The following EXOC3L2 variants were observed in gnomAD, a reference collection of about 807,000 sequenced individuals.
EXOC3L2 encodes the protein exocyst complex component 3 like 2, also known as exocyst complex component 3-like protein 2.
Under a neutral mutation model 44.4 loss-of-function variants are expected in EXOC3L2, and 17 were observed. The observed-to-expected ratio is 0.38, with a 90% CI of 0.26 to 0.57. The LOEUF (loss-of-function observed/expected upper bound fraction) is 0.57, where lower values mean the gene tolerates loss of function less well. EXOC3L2 is among the 20% of genes least tolerant of loss of function. The pLI is 0.65. For missense variants in EXOC3L2, 541 were observed against 588.4 expected, an observed-to-expected ratio of 0.92 and a Z score of 0.83; for synonymous variants, 256 against 253.7, an observed-to-expected ratio of 1.01 and a Z score of -0.09.
intron 8 of EXOC3L2, among the ~76,000 whole-genome samples, chr19:45,219,333 G>A (rs755861353): frequency 2.1e-5 from 3 of 144,812 alleles, no homozygotes; most frequent in Non-Finnish European, 3.0e-5. Context: ...AGTTCAGGCT[G>A]CAGTGAAATA....
chr19:45,237,153 G>A lies in EXOC3L2; in HGVS notation c.523+1370C>T, dbSNP rs548199590. Among the ~76,000 whole-genome samples the A allele has an allele frequency of 2.6e-5, 4 of 152,136 alleles. No individual in the cohort carries two copies. The South Asian group carries it at 8.3e-4, about 32-fold the overall frequency. Reference sequence around the variant, plus strand: ...ATGGGGAAGAATGGGATATGAAACGGGGCTGGACCAGTTGGGGGTTGCCAT... The same window carrying A: ...ATGGGGAAGAATGGGATATGAAACGAGGCTGGACCAGTTGGGGGTTGCCAT... On this transcript the variant is annotated intron_variant, in intron 2 of 11. Coordinates refer to ENST00000413988, the MANE Select transcript of EXOC3L2 (RefSeq NM_001382422.1).
rs79744739 is a variant in EXOC3L2 at position 45,231,994 on chromosome 19, A to G, written c.1158-120T>C. ...CCTGGGCCACTCCCTTCCTCTCTCTAAGTCATCTCTGCTCATCCCTCAGAG... is the reference window on the plus strand; with the variant it reads ...CCTGGGCCACTCCCTTCCTCTCTCTGAGTCATCTCTGCTCATCCCTCAGAG... On this transcript the variant is annotated intron_variant, in intron 3 of 11. Coordinates refer to ENST00000413988, the MANE Select transcript of EXOC3L2 (RefSeq NM_001382422.1). 4.5e-3 allele frequency: 2,313 copies of G among 519,626 alleles called. 14 individuals are homozygous for G. Among genetic ancestry groups the G allele is most frequent in the South Asian group, 7.5e-3 (189 of 25,344 alleles). 32.2% of individuals were successfully genotyped at this position (519,626 alleles called of 1,614,324 possible). A position where few individuals can be genotyped will look rare whatever the true frequency, so the allele number is the denominator to read the frequency against.
rs898006746 is a variant in EXOC3L2, at chr19:45,218,265, C to G, written c.1774G>C (p.Asp592His). ...GCACCCAGCGTGCCCACGATGCCAT[C>G]CAGGGCCTCCGGGCTGCTCAGCCAC... ...RKWLSSPEAL[D>H]GIVGTLGAQA... The change falls in exon 9 of 12, where the codon GAT (aspartate) becomes CAT (histidine). Residue 592 changes from aspartate to histidine, a missense_variant. Asp to His is a moderately conservative substitution (Grantham distance 81, BLOSUM62 -1). Transcript: ENST00000413988. 1 of 1,600,822 alleles carries G rather than the reference C, an allele frequency of 6.2e-7. No homozygotes were observed. Among genetic ancestry groups the G allele is most frequent in the Non-Finnish European group, 8.5e-7 (1 of 1,173,548 alleles).
Position 45,234,795 on chromosome 19 carries a change from G to C in EXOC3L2, c.555C>G (p.Arg185=), listed in dbSNP as rs1458950121. ...TGTGCTCGTCCGCACGCGCTAGTTC[G>C]CGCTGCTGGATCAGGCTCAGGATCT... The part of the protein sequence containing the change: ...VLEILSLIQQ[R]ELARADEHIL... Residue 185 remains arginine (R), a synonymous_variant, in exon 3 of 12, where the codon CGC becomes CGG. Coordinates refer to ENST00000413988, the MANE Select transcript of EXOC3L2 (RefSeq NM_001382422.1). The surrounding 1 kb of genome is among the most constrained non-coding windows in gnomAD (Gnocchi z 5.0). 1.5e-5 allele frequency: 6 copies of C among 395,966 alleles called. No individual in the cohort carries two copies. Among genetic ancestry groups the C allele is most frequent in the Non-Finnish European group, 1.8e-5 (4 of 224,258 alleles). 24.5% of individuals were successfully genotyped at this position (395,966 alleles called of 1,614,324 possible).
intron 8 of EXOC3L2, among the ~76,000 whole-genome samples, chr19:45,221,423 C>T (rs1379167356): frequency 6.6e-6 from 1 of 151,946 alleles, no homozygotes; most frequent in East Asian, 1.9e-4. Flanking sequence ...GCGATCTTGG[C>T]TCACTGCAAC....
chr19:45,212,951 G>C lies in EXOC3L2; in HGVS notation c.*118C>G, dbSNP rs1021806174. 1.0e-4 allele frequency: 124 copies of C among 1,188,932 alleles called. No individual in the cohort carries two copies. Among genetic ancestry groups the C allele is most frequent in the Non-Finnish European group, 1.4e-4 (124 of 897,878 alleles). 73.6% of individuals were successfully genotyped at this position (1,188,932 alleles called of 1,614,324 possible). The stretch of plus-strand genomic sequence containing the variant: ...TGGGGTTGGGTGAAAAGACATCTAA[G>C]GGTCTTTCTATCCCAGGGGTGTGTG... On this transcript the variant is annotated 3_prime_UTR_variant, in exon 12 of 12. Transcript: ENST00000413988.
Position 45,231,882 on chromosome 19 carries a change from T to TG in EXOC3L2, c.1158-9dup. 6 of 1,572,338 alleles carry TG rather than the reference T, an allele frequency of 3.8e-6. No homozygotes were observed. The highest frequency in any genetic ancestry group is 5.2e-6 in the Non-Finnish European group (6 of 1,147,956). Reference sequence around the variant, plus strand: ...ACCAGCCCTAGGACCTCTCTGGGGATGGGGGTGAGAGAAAAGGAGGTCTGT... The same window carrying TG: ...ACCAGCCCTAGGACCTCTCTGGGGATGGGGGGTGAGAGAAAAGGAGGTCTGT... On this transcript the variant is annotated splice_polypyrimidine_tract_variant and intron_variant, in intron 3 of 11. Transcript: ENST00000413988.
chr19:45,215,894 C>T (rs1326373981), intron 11 of EXOC3L2, among the ~76,000 whole-genome samples, 179 bp downstream of exon 11: 2 of 152,126 alleles, frequency 1.3e-5, no homozygotes, highest in Non-Finnish European at 2.9e-5. Context: ...GAGGCAGCAG[C>T]GGCGGCAGGA....
At chr19:45,224,216 G>T (rs137989421) in intron 8 of EXOC3L2, among the ~76,000 whole-genome samples, 1 of 152,042 alleles carries the variant, frequency 6.6e-6, no homozygotes, top group African/African-American at 2.4e-5. Context: ...CTGAGAAGGA[G>T]AGTAGTGAGG....
intron 9 of EXOC3L2, 122 bp downstream of exon 9, chr19:45,218,075 C>T (rs1215565486): frequency 6.1e-5 from 82 of 1,336,328 alleles, no homozygotes; most frequent in Non-Finnish European, 7.8e-5. Flanking sequence ...AGAGGGGTTT[C>T]CTCCAGCAGG....
chr19:45,238,859 C>T lies in EXOC3L2; in HGVS notation c.187G>A (p.Gly63Ser). The change falls in exon 2 of 12, where the codon GGC becomes AGC. Residue 63 changes from glycine to serine, a missense_variant. Gly to Ser is a moderately conservative substitution (Grantham distance 56). Transcript: ENST00000413988. This position sits in a 1 kb window ranked among gnomAD's most constrained non-coding sequence, Gnocchi z 5.5. ...CAGCCCAGCCGGAAGGGGGCCAGGC[C>T]CGCAAGCTTCTCCAGGGTGGCGCGG... ...RRRATLEKLA[G>S]LAPFRLGWAP... 1 of 399,142 alleles carries T rather than the reference C, an allele frequency of 2.5e-6. No homozygotes were observed. The highest frequency in any genetic ancestry group is 4.4e-6 in the Non-Finnish European group (1 of 226,152). 24.7% of individuals were successfully genotyped at this position (399,142 alleles called of 1,614,324 possible).
At chr19:45,240,327 A>C (rs1379595237) in intron 1 of EXOC3L2, among the ~76,000 whole-genome samples, 1 of 151,728 alleles carries the variant, frequency 6.6e-6, no homozygotes, top group African/African-American at 2.4e-5. Context: ...TATGTTGCCC[A>C]GGCTGGTCTC....
intron 7 of EXOC3L2, among the ~76,000 whole-genome samples, chr19:45,225,846 CT>C (rs1173152912): frequency 6.6e-6 from 1 of 151,968 alleles, no homozygotes; most frequent in East Asian, 1.9e-4. Context: ...TGGTCTTGAA[CT>C]CCTGGCCTCA....
At chr19:45,219,515 G>A (rs73568215) in intron 8 of EXOC3L2, among the ~76,000 whole-genome samples, 2,249 of 152,018 alleles carry the variant, frequency 0.015, 56 homozygotes, top group African/African-American at 0.051. Context: ...CACTTCCTAG[G>A]TCTGGTTGAG....
rs34610401 is a variant in EXOC3L2 at position 45,231,457 on chromosome 19, CAAAAAAA to C, written c.1269+299_1269+305del. ...CTGGCAACAGAGCGAGACCCTGCCT[CAAAAAAA>C]AAAAAAAAAAAAAAATCTTTGATGC... is the stretch of plus-strand genomic sequence containing the variant. On this transcript the variant is annotated intron_variant, in intron 4 of 11. Coordinates refer to ENST00000413988, the MANE Select transcript of EXOC3L2 (RefSeq NM_001382422.1). Among the ~76,000 whole-genome samples the C allele has an allele frequency of 1.5e-4, 9 of 61,322 alleles. No homozygotes were observed. The South Asian group carries it at 4.6e-3, about 32-fold the overall frequency. The allele number at this position is 61,322 out of a possible 152,430, so 40.2% of individuals were successfully genotyped here.
At chr19:45,218,455 C>T in intron 8 of EXOC3L2, 136 bp from the exon 9 acceptor site, 2 of 1,205,610 alleles carry the variant, frequency 1.7e-6, no homozygotes, top group South Asian at 4.0e-5. Context: ...AAGAGATAGC[C>T]CCAGCCCTGG....
chr19:45,231,639 G>A, intron 4 of EXOC3L2, 124 bp downstream of exon 4: 1 of 802,126 alleles, frequency 1.2e-6, no homozygotes, highest in African/African-American at 1.7e-5. Context: ...ATAGAACTCA[G>A]AAGTTCGTAA....
intron 8 of EXOC3L2, 70 bp downstream of exon 8, chr19:45,224,708 G>A (rs1969936027): frequency 1.3e-6 from 2 of 1,507,904 alleles, no homozygotes; most frequent in Admixed American, 2.2e-5. Context: ...AAAAGGAACT[G>A]GAGGATGGTG....
rs774288614 is a variant in EXOC3L2 at position 45,228,228 on chromosome 19, C to T, written c.1308G>A (p.Glu436=). 2.5e-6 allele frequency: 4 copies of T among 1,614,016 alleles called. No homozygotes were observed. The African/African-American group carries it at 5.3e-5, about 22-fold the overall frequency. The change falls in exon 5 of 12, where the codon GAG becomes GAA. Residue 436 remains glutamate, a synonymous_variant. Transcript: ENST00000413988. ...TRAALLRVLQ[E]DEEHWGSLED... is the part of the protein sequence containing the mutation. ...CCAGGCTCCCCCAGTGCTCTTCGTC[C>T]TCCTGCAGCACACGGAGAAGGGCAG...
Sources: allele counts gnomAD v4.1 joint callset (sites outside exome capture counted in the v4.1 genomes callset), GRCh38; gene constraint gnomAD v4.1.1; non-coding constraint Gnocchi (gnomAD v3.1); transcripts MANE v1.5; gene names NCBI Gene and HGNC (gene_info 2026-07-23, HGNC 2026-07-21).